Variants in MRPL14 observed in about 807,000 individuals in gnomAD.
MRPL14 encodes mitochondrial ribosomal protein L14, also known as large ribosomal subunit protein uL14m.
In MRPL14, 8 loss-of-function variants were observed where a neutral mutation model predicts 10.9. The ratio of observed to expected loss-of-function variants is 0.74; its 90% CI spans 0.43 to 1.33. MRPL14 has a LOEUF of 1.33. Ranked by LOEUF, MRPL14 falls within the 40% of genes most tolerant of loss-of-function variation. The pLI, the probability that MRPL14 is intolerant of heterozygous loss-of-function variation, is 0.01. For missense variants in MRPL14, 179 were observed against 194.5 expected (o/e 0.92, Z 0.47); for synonymous variants, 82 against 74.1 (o/e 1.11, Z -0.54).
At position 44,115,501 on chromosome 6, in the gene MRPL14, A is replaced by G. The variant is rs558326213; in HGVS notation, c.71+1040T>C. ...CAAGTCCTGTTAATATCACCCCCTA[A>G]GCACCTATGTCCTTTCTCTCCAATC... On this transcript the variant is annotated intron_variant, in intron 2 of 2. Coordinates refer to ENST00000372014, the MANE Select transcript of MRPL14 (RefSeq NM_032111.4). Among the ~76,000 whole-genome samples, 3 of 152,204 alleles carry G rather than the reference A, an allele frequency of 2.0e-5. No individual in the cohort carries two copies. In the East Asian group the frequency reaches 5.8e-4, roughly 29 times the overall value.
At chr6:44,116,460 T>G (rs1228909784) in intron 2 of MRPL14, 81 bp downstream of exon 2, 2 of 1,401,590 alleles carry the variant, frequency 1.4e-6, no homozygotes, top group African/African-American at 2.8e-5. Flanking sequence ...TTTTTACTCC[T>G]GTTCTAGTCA....
chr6:44,124,688 T>G (rs1362987859), intron 1 of MRPL14, among the ~76,000 whole-genome samples: 1 of 152,238 alleles, frequency 6.6e-6, no homozygotes, highest in Non-Finnish European at 1.5e-5. Flanking sequence ...TACTTTACTA[T>G]GACCTTTTTA....
intron 1 of MRPL14, among the ~76,000 whole-genome samples, chr6:44,123,043 T>C (rs1776607095): frequency 1.3e-5 from 2 of 152,260 alleles, no homozygotes; most frequent in African/African-American, 2.4e-5. Context: ...ATAGCCACAA[T>C]AGCATGTTAT....
rs533079065 is a variant in MRPL14 at position 44,121,838 on chromosome 6, C to G, written c.-18-5209G>C. Among the ~76,000 whole-genome samples the G allele has an allele frequency of 3.3e-3, 501 of 151,808 alleles. 3 individuals are homozygous for G. The highest frequency in any genetic ancestry group is 3.7e-3 in the Non-Finnish European group (250 of 67,974). On this transcript the variant is annotated intron_variant, in intron 1 of 2. Transcript: ENST00000372014. ...GCCTGTAGTCCCAGCTACAGCCCGGCTGAGGCAGGAGAATCTCTTAAACCT... is the reference window on the plus strand; with the variant it reads ...GCCTGTAGTCCCAGCTACAGCCCGGGTGAGGCAGGAGAATCTCTTAAACCT...
At chr6:44,123,909 A>G (rs1776686297) in intron 1 of MRPL14, among the ~76,000 whole-genome samples, 1 of 152,144 alleles carries the variant, frequency 6.6e-6, no homozygotes, top group South Asian at 2.1e-4. Flanking sequence ...TAGATCTGAC[A>G]ATTCTCAATT....
chr6:44,117,842 T>G (rs796590235), intron 1 of MRPL14, among the ~76,000 whole-genome samples: 53 of 33,186 alleles, frequency 1.6e-3, no homozygotes, highest in East Asian at 0.014. Context: ...TTTTTTGTGT[T>G]TTTTTTTTTT....
intron 1 of MRPL14, among the ~76,000 whole-genome samples, chr6:44,126,225 A>G (rs1777024465): frequency 6.6e-6 from 1 of 152,206 alleles, no homozygotes; most frequent in African/African-American, 2.4e-5. Context: ...AACACCTCCT[A>G]GTACACTCAC....
intron 1 of MRPL14, among the ~76,000 whole-genome samples, chr6:44,119,364 C>A (rs545283211): frequency 6.6e-6 from 1 of 152,134 alleles, no homozygotes; most frequent in African/African-American, 2.4e-5. Context: ...CCCTTCTCTA[C>A]TAAAAATACA....
At chr6:44,117,827 G>T (rs1406508169) in intron 1 of MRPL14, among the ~76,000 whole-genome samples, 1 of 147,696 alleles carries the variant, frequency 6.8e-6, no homozygotes, top group Non-Finnish European at 1.5e-5. Flanking sequence ...AGGACGCCTG[G>T]CTAATTTTTT....
In MRPL14 at chr6:44,116,577, G is replaced by C; in HGVS notation, c.35C>G (p.Thr12Ser). The C allele has an allele frequency of 6.2e-7, 1 of 1,614,160 alleles. No individual in the cohort carries two copies. The highest frequency in any genetic ancestry group is 8.5e-7 in the Non-Finnish European group (1 of 1,180,026). ...AFFTGLWGPF[T>S]CVSRVLSHHC... ...ATGGCTCAGCACTCTGCTTACACAG[G>C]TGAAGGGGCCCCAGAGCCCAGTAAA... The change falls in exon 2 of 3, where the codon ACC (threonine) becomes AGC (serine). Residue 12 changes from threonine to serine, a missense_variant. By Grantham distance (58) the Thr-to-Ser change is moderately conservative. Transcript: ENST00000372014.
intron 1 of MRPL14, among the ~76,000 whole-genome samples, chr6:44,126,638 C>T (rs1777088760): frequency 6.6e-6 from 1 of 150,528 alleles, no homozygotes; most frequent in Non-Finnish European, 1.5e-5. Flanking sequence ...CTTACGGTGG[C>T]AAAGTTCATT....
Position 44,113,963 on chromosome 6 carries a change from G to A in MRPL14, c.318C>T (p.Val106=), listed in dbSNP as rs780126314. 16 of 1,613,956 alleles carry A rather than the reference G, an allele frequency of 9.9e-6. No individual in the cohort carries two copies. Among genetic ancestry groups the A allele is most frequent in the Non-Finnish European group, 3.4e-6 (4 of 1,179,938 alleles). ...CAGGGTTCCCGTTGTCCTCAATGAGGACCACGTTGTTGGAGTCGAATCTGG... is the reference window on the plus strand; with the variant it reads ...CAGGGTTCCCGTTGTCCTCAATGAGAACCACGTTGTTGGAGTCGAATCTGG... The part of the protein sequence containing the change: ...MTPRFDSNNV[V]LIEDNGNPVG... The change falls in exon 3 of 3, where the codon GTC becomes GTT. Residue 106 remains valine (V), a synonymous_variant. Coordinates refer to ENST00000372014, the MANE Select transcript of MRPL14 (RefSeq NM_032111.4).
chr6:44,120,183 C>A (rs117528798), intron 1 of MRPL14, among the ~76,000 whole-genome samples: 1 of 152,184 alleles, frequency 6.6e-6, no homozygotes, highest in Non-Finnish European at 1.5e-5. Flanking sequence ...TTGTGTCAAA[C>A]GGCAGCATCA....
intron 1 of MRPL14, among the ~76,000 whole-genome samples, chr6:44,121,936 CA>C (rs61174423): frequency 0.32 from 42,623 of 134,526 alleles, 6,744 homozygotes; most frequent in African/African-American, 0.46. Flanking sequence ...AAGACTGTCT[CA>C]AAAAAAAAAA....
chr6:44,118,871 G>A (rs1776126242), intron 1 of MRPL14, among the ~76,000 whole-genome samples: 1 of 152,194 alleles, frequency 6.6e-6, no homozygotes. Flanking sequence ...AGCTGAGGCA[G>A]GAGAATCGCT....
intron 1 of MRPL14, among the ~76,000 whole-genome samples, chr6:44,120,285 A>G (rs1315479657): frequency 6.6e-6 from 1 of 152,204 alleles, no homozygotes; most frequent in Admixed American, 6.5e-5. Flanking sequence ...CAATGAGTAA[A>G]TTTGTATACT....
chr6:44,119,833 G>T (rs184132800), intron 1 of MRPL14, among the ~76,000 whole-genome samples: 10 of 152,126 alleles, frequency 6.6e-5, no homozygotes, highest in African/African-American at 2.2e-4. Context: ...TGAGAGAGAA[G>T]AGCGTCCTGA....
chr6:44,126,839 C>T (rs1434505857), intron 1 of MRPL14: 1 of 152,182 alleles, frequency 6.6e-6, no homozygotes, highest in African/African-American at 2.4e-5. Context: ...AAATAAGAAA[C>T]CAGGGAACCC....
At chr6:44,124,787 A>C (rs1482022993) in intron 1 of MRPL14, among the ~76,000 whole-genome samples, 2 of 152,196 alleles carry the variant, frequency 1.3e-5, no homozygotes, top group African/African-American at 4.8e-5. Context: ...CTGTAAATAC[A>C]CATGTAAAAT....
Sources: allele counts gnomAD v4.1 joint callset (sites outside exome capture counted in the v4.1 genomes callset), GRCh38; gene constraint gnomAD v4.1.1; transcripts MANE v1.5; gene names NCBI Gene and HGNC (gene_info 2026-07-23, HGNC 2026-07-21).